TM2D1: variants seen among roughly 807,000 people sequenced by gnomAD.
The protein encoded by TM2D1 is TM2 domain containing 1.
A neutral mutation model predicts 28.4 loss-of-function variants in TM2D1; 15 were observed. The ratio of observed to expected loss-of-function variants is 0.53; its 90% CI spans 0.35 to 0.81. TM2D1 has a LOEUF of 0.81. TM2D1 is among the 40% of genes least tolerant of loss of function. The pLI is 0.01. For synonymous variants in TM2D1, 93 were observed against 96.2 expected, an observed-to-expected ratio of 0.97 and a Z score of 0.20; for missense variants, 236 against 254.9, an observed-to-expected ratio of 0.93 and a Z score of 0.50.
intron 2 of TM2D1, among the ~76,000 whole-genome samples, chr1:61,722,488 C>G (rs1570133771): frequency 6.6e-6 from 1 of 152,220 alleles, no homozygotes; most frequent in East Asian, 1.9e-4. Context: ...CCTGCCTCAG[C>G]CTCCCGAGTA....
In TM2D1 at chr1:61,710,475, T is replaced by TATAC. The variant is rs1553142687; in HGVS notation, c.239-1039_239-1038insGTAT. Among the ~76,000 whole-genome samples the TATAC allele has an allele frequency of 6.6e-4, 79 of 119,578 alleles. 2 individuals carry two copies. The highest frequency in any genetic ancestry group is 1.1e-3 in the African/African-American group (35 of 31,494). 78.4% of individuals were successfully genotyped at this position (119,578 alleles called of 152,430 possible). A position where few individuals can be genotyped will look rare whatever the true frequency, so the allele number is the denominator to read the frequency against. On this transcript the variant is annotated intron_variant, in intron 2 of 6. Transcript: ENST00000606498. ...ATATATATATATACATATATATATATACACACACACACACACATATACACA... is the reference window on the plus strand; with the variant it reads ...ATATATATATATACATATATATATATATACACACACACACACACACATATACACA...
At chr1:61,687,039 C>T in intron 5 of TM2D1, 1 of 909,670 alleles carries the variant, frequency 1.1e-6, no homozygotes, top group Non-Finnish European at 1.3e-6. Flanking sequence ...GTTTATTTCT[C>T]TGCTAAGAAA....
chr1:61,710,446 A>AATG (rs1491269207), intron 2 of TM2D1, among the ~76,000 whole-genome samples: 4 of 104,412 alleles, frequency 3.8e-5, no homozygotes, highest in African/African-American at 1.5e-4. Context: ...AAAAAAAAAA[A>AATG]TGTATATATA....
intron 2 of TM2D1, among the ~76,000 whole-genome samples, chr1:61,720,905 T>C (rs997667956): frequency 6.6e-6 from 1 of 152,032 alleles, no homozygotes; most frequent in African/African-American, 2.4e-5. Flanking sequence ...CTCACGTTCA[T>C]CCCTACCCAA....
In TM2D1 at chr1:61,683,499, T is replaced by A; in HGVS notation, c.561A>T (p.Gly187=). The A allele has an allele frequency of 6.5e-7, 1 of 1,547,184 alleles. No individual in the cohort carries two copies. The highest frequency in any genetic ancestry group is 2.1e-5 in the Admixed American group (1 of 47,334). ...TAATACTCAGTCTTGTAAGTCTGGT[T>A]CCATAGTAATCTATAATGTAACTAC... is the stretch of plus-strand genomic sequence containing the variant. ...DGSSYIIDYY[G]TRLTRLSITN... The change falls in exon 6 of 7, where the codon GGA becomes GGT. Residue 187 remains glycine, a synonymous_variant. Transcript: ENST00000606498.
intron 4 of TM2D1, chr1:61,699,193 A>C (rs1305287634): frequency 6.6e-6 from 1 of 151,800 alleles, no homozygotes; most frequent in East Asian, 1.9e-4. Flanking sequence ...AAAATACCGA[A>C]ATAAGTCAGG....
At chr1:61,696,781 C>T (rs1257437998) in intron 4 of TM2D1, among the ~76,000 whole-genome samples, 1 of 152,038 alleles carries the variant, frequency 6.6e-6, no homozygotes, top group Admixed American at 6.6e-5. Context: ...ACCCACTATG[C>T]CTGGCTAGTT....
chr1:61,700,545 A>G (rs1054041072), intron 4 of TM2D1, among the ~76,000 whole-genome samples: 6 of 152,208 alleles, frequency 3.9e-5, no homozygotes, highest in African/African-American at 1.2e-4. Flanking sequence ...ATAGTTTCTA[A>G]TCCCAGGGCA....
At chr1:61,701,333 A>G (rs1424240196) in intron 3 of TM2D1, among the ~76,000 whole-genome samples, 3 of 148,718 alleles carry the variant, frequency 2.0e-5, no homozygotes, top group African/African-American at 5.0e-5. Flanking sequence ...AAAAAAAAAA[A>G]AAGAAGTAGA....
Position 61,688,488 on chromosome 1 carries a change from G to A in TM2D1, c.514-4942C>T, listed in dbSNP as rs1406052194. 8.5e-5 allele frequency among the ~76,000 whole-genome samples: 13 copies of A among 152,224 alleles called. 1 individual carries two copies. The highest frequency in any genetic ancestry group is 8.5e-4 in the Admixed American group (13 of 15,284). On this transcript the variant is annotated intron_variant, in intron 5 of 6. Transcript: ENST00000606498. The stretch of plus-strand genomic sequence containing the variant: ...GCCTGTAATCTCAGCACTTTGGGAG[G>A]CTGAGGCGGGCAGGTAACGAGGTCA...
intron 5 of TM2D1, among the ~76,000 whole-genome samples, chr1:61,686,021 A>C (rs1644282962): frequency 6.6e-6 from 1 of 152,082 alleles, no homozygotes; most frequent in Non-Finnish European, 1.5e-5. Context: ...TAAATAACCA[A>C]ATTAAGTCGG....
At chr1:61,700,257 T>C in intron 4 of TM2D1, 1 of 1,505,766 alleles carries the variant, frequency 6.6e-7, no homozygotes, top group Non-Finnish European at 8.8e-7. Flanking sequence ...TTAACCTCTC[T>C]GGTGACAGTT....
intron 4 of TM2D1, chr1:61,697,709 C>T (rs1431632868): frequency 6.6e-6 from 1 of 152,316 alleles, no homozygotes; most frequent in East Asian, 1.9e-4. Context: ...CCTCATGCCC[C>T]TTTGTAATTT....
intron 4 of TM2D1, chr1:61,699,280 G>A (rs967410281): frequency 3.3e-5 from 5 of 152,100 alleles, no homozygotes; most frequent in South Asian, 2.1e-4. Flanking sequence ...CCAGGAGGTC[G>A]AGGTTGCAGT....
intron 2 of TM2D1, among the ~76,000 whole-genome samples, chr1:61,715,596 C>A (rs1007347145): frequency 2.5e-5 from 3 of 118,678 alleles, no homozygotes; most frequent in African/African-American, 1.0e-4. Flanking sequence ...TGCAGTGAGC[C>A]GAGATGGCAC....
intron 4 of TM2D1, among the ~76,000 whole-genome samples, chr1:61,695,446 C>T (rs1644357127): frequency 6.6e-6 from 1 of 151,938 alleles, no homozygotes; most frequent in South Asian, 2.1e-4. Flanking sequence ...AATAATATAA[C>T]CCAAAAACGA....
intron 3 of TM2D1, among the ~76,000 whole-genome samples, chr1:61,701,954 G>A (rs748396669): frequency 5.3e-5 from 8 of 152,182 alleles, no homozygotes; most frequent in Non-Finnish European, 1.2e-4. Flanking sequence ...ACTTTGGGAG[G>A]CCGAGGCAGG....
intron 3 of TM2D1, among the ~76,000 whole-genome samples, chr1:61,705,596 C>T (rs1644434777): frequency 6.6e-6 from 1 of 152,150 alleles, no homozygotes; most frequent in African/African-American, 2.4e-5. Flanking sequence ...TGTAAGTGTA[C>T]ACCATTTCCA....
At chr1:61,716,337 A>C (rs992144907) in intron 2 of TM2D1, among the ~76,000 whole-genome samples, 1 of 147,718 alleles carries the variant, frequency 6.8e-6, no homozygotes, top group African/African-American at 2.5e-5. Context: ...CCAACCCCCC[A>C]ACAAATATTA....
Sources: allele counts gnomAD v4.1 joint callset (sites outside exome capture counted in the v4.1 genomes callset), GRCh38; gene constraint gnomAD v4.1.1; transcripts MANE v1.5; gene names NCBI Gene and HGNC (gene_info 2026-07-23, HGNC 2026-07-21).